The following TTC28 variants were observed in gnomAD, a reference collection of about 807,000 sequenced individuals.
TTC28 encodes the protein tetratricopeptide repeat domain 28, also known as tetratricopeptide repeat protein 28.
TTC28 carries 61 observed loss-of-function variants against 198.0 expected under a neutral mutation model. That is an observed-to-expected ratio of 0.31 (90% CI 0.25 to 0.38). The LOEUF (loss-of-function observed/expected upper bound fraction) is 0.38. Ranked by LOEUF, TTC28 falls within the 10% of genes least tolerant of loss-of-function variation. TTC28 has a pLI of 1.00. For missense variants in TTC28, 2,678 were observed against 3,164.0 expected (o/e 0.85, Z 3.69); for synonymous variants, 1,171 against 1,297.8 (o/e 0.90, Z 2.10).
At chr22:28,661,580 C>T (rs1042130551) in intron 1 of TTC28, among the ~76,000 whole-genome samples, 1 of 151,704 alleles carries the variant, frequency 6.6e-6, no homozygotes. Context: ...CCACCATACC[C>T]GGCTAATTTG....
chr22:28,458,837 T>C (rs988453903), intron 2 of TTC28, among the ~76,000 whole-genome samples: 1 of 150,444 alleles, frequency 6.6e-6, no homozygotes, highest in Non-Finnish European at 1.5e-5. Context: ...GCCAAGATCA[T>C]GTCACTGCAC....
At chr22:28,383,332 C>G (rs570477477) in intron 2 of TTC28, among the ~76,000 whole-genome samples, 2 of 152,126 alleles carry the variant, frequency 1.3e-5, no homozygotes, top group Non-Finnish European at 2.9e-5. Context: ...AGACACTTTC[C>G]TTTGTCCGCA....
intron 2 of TTC28, among the ~76,000 whole-genome samples, chr22:28,471,315 A>G (rs774064428): frequency 2.0e-5 from 3 of 152,194 alleles, no homozygotes; most frequent in Non-Finnish European, 4.4e-5. Flanking sequence ...ATGTCATTAA[A>G]AACTTTGATT....
At chr22:28,345,968 A>G (rs2145918699) in intron 2 of TTC28, among the ~76,000 whole-genome samples, 1 of 152,334 alleles carries the variant, frequency 6.6e-6, no homozygotes, top group South Asian at 2.1e-4. Flanking sequence ...GTAAATTTTT[A>G]TTCAGTCTTC....
intron 6 of TTC28, among the ~76,000 whole-genome samples, chr22:28,147,347 C>T (rs1182407563): frequency 6.6e-6 from 1 of 152,132 alleles, no homozygotes; most frequent in Admixed American, 6.5e-5. Flanking sequence ...GTATGAGCAG[C>T]CACGTTTCCA....
intron 12 of TTC28, among the ~76,000 whole-genome samples, chr22:28,043,137 G>A (rs961914443): frequency 6.6e-6 from 1 of 150,564 alleles, no homozygotes; most frequent in Non-Finnish European, 1.5e-5. Flanking sequence ...CCAGCTACTC[G>A]GGAGGCTGAG....
rs1276637648 is a variant in TTC28, at chr22:27,983,271, A to T, written c.6396T>A (p.Asp2132Glu). 1 of 1,551,866 alleles carries T rather than the reference A, an allele frequency of 6.4e-7. No individual in the cohort carries two copies. The highest frequency in any genetic ancestry group is 8.7e-7 in the Non-Finnish European group (1 of 1,147,042). The change falls in exon 23 of 23, where the codon GAT (aspartate) becomes GAA (glutamate). Residue 2132 changes from aspartate (D) to glutamate (E), a missense_variant. Physicochemically the swap from Asp to Glu is conservative, Grantham distance 45 (BLOSUM62 2). Transcript: ENST00000397906. ...TGCTAGACTGGTCTGATTCTCCTGT[A>T]TCTGAGCTTGCTAGTTTTCCCACCT... Reference protein sequence around the residue: ...FQKVGKLASSDTGESDQSSTE... With the variant: ...FQKVGKLASSETGESDQSSTE...
intron 2 of TTC28, among the ~76,000 whole-genome samples, chr22:28,313,711 T>A (rs1434488989): frequency 2.0e-5 from 3 of 152,146 alleles, no homozygotes; most frequent in Non-Finnish European, 2.9e-5. Flanking sequence ...GGAACGTATC[T>A]CAGCATAATA....
intron 6 of TTC28, among the ~76,000 whole-genome samples, chr22:28,127,069 T>A (rs180793018): frequency 6.6e-6 from 1 of 152,202 alleles, no homozygotes; most frequent in Non-Finnish European, 1.5e-5. Flanking sequence ...AAAACACTTA[T>A]TGTTTAGATT....
At chr22:28,564,811 G>T (rs895338104) in intron 2 of TTC28, among the ~76,000 whole-genome samples, 1 of 146,730 alleles carries the variant, frequency 6.8e-6, no homozygotes, top group Admixed American at 6.8e-5. Context: ...GAGAACCACT[G>T]GTCTCAATTT....
At chr22:28,116,119 G>C (rs1170347872) in intron 6 of TTC28, among the ~76,000 whole-genome samples, 1 of 152,060 alleles carries the variant, frequency 6.6e-6, no homozygotes, top group Non-Finnish European at 1.5e-5. Context: ...ATGCTAACTG[G>C]GAGCAGGGTC....
intron 2 of TTC28, among the ~76,000 whole-genome samples, chr22:28,576,720 T>C (rs2050156693): frequency 6.6e-6 from 1 of 151,996 alleles, no homozygotes; most frequent in African/African-American, 2.4e-5. Flanking sequence ...TGGTAGGCTA[T>C]ATGTGTCTAG....
At chr22:28,080,240 C>A (rs920384472) in intron 12 of TTC28, among the ~76,000 whole-genome samples, 3 of 152,132 alleles carry the variant, frequency 2.0e-5, no homozygotes, top group Non-Finnish European at 2.9e-5. Context: ...TACACTAATT[C>A]TATTTTTTAG....
rs1941979722 is a variant in TTC28, at chr22:28,096,522, A to G, written c.3548-114T>C. 14 of 1,077,034 alleles carry G rather than the reference A, an allele frequency of 1.3e-5. No individual in the cohort carries two copies. In the East Asian group the frequency reaches 3.1e-4, roughly 24 times the overall value. The allele number at this position is 1,077,034 out of a possible 1,614,324, so 66.7% of individuals were successfully genotyped here. A position where few individuals can be genotyped will look rare whatever the true frequency, so the allele number is the denominator to read the frequency against. On this transcript the variant is annotated intron_variant, in intron 10 of 22. Coordinates refer to ENST00000397906, the MANE Select transcript of TTC28 (RefSeq NM_001145418.2). ...GAAACCTCACTGCCTCTACTCTCCAATATGTGACAGAATCTCAGTCACACT... is the reference window on the plus strand; with the variant it reads ...GAAACCTCACTGCCTCTACTCTCCAGTATGTGACAGAATCTCAGTCACACT...
At chr22:28,495,773 G>A (rs2048446392) in intron 2 of TTC28, among the ~76,000 whole-genome samples, 1 of 152,132 alleles carries the variant, frequency 6.6e-6, no homozygotes, top group Admixed American at 6.5e-5. Context: ...TTGTTCAAGT[G>A]CCTCCTGTGT....
intron 2 of TTC28, among the ~76,000 whole-genome samples, chr22:28,527,005 G>A (rs1039141760): frequency 7.2e-5 from 11 of 152,008 alleles, no homozygotes; most frequent in African/African-American, 2.2e-4. Context: ...TGATCCACCC[G>A]CCTCAGCCTC....
At position 28,101,152 on chromosome 22, in the gene TTC28, A is replaced by G; in HGVS notation, c.3417+19T>C. 1 of 1,528,314 alleles carries G rather than the reference A, an allele frequency of 6.5e-7. No individual in the cohort carries two copies. Among genetic ancestry groups the G allele is most frequent in the Non-Finnish European group, 8.9e-7 (1 of 1,129,012 alleles). 94.7% of individuals were successfully genotyped at this position (1,528,314 alleles called of 1,614,324 possible). A position where few individuals can be genotyped will look rare whatever the true frequency, so the allele number is the denominator to read the frequency against. The stretch of plus-strand genomic sequence containing the variant: ...CTTCTGGAAACAAAAAATCCACTTC[A>G]GTCAGGGGTTCTGCTTACCTGGTGT... On this transcript the variant is annotated intron_variant, in intron 9 of 22. Coordinates refer to ENST00000397906, the MANE Select transcript of TTC28 (RefSeq NM_001145418.2).
At chr22:28,059,084 C>T (rs1238842720) in intron 12 of TTC28, among the ~76,000 whole-genome samples, 2 of 151,690 alleles carry the variant, frequency 1.3e-5, no homozygotes, top group South Asian at 2.1e-4. Context: ...ATTGTTTCTC[C>T]GTTTTCTCTT....
chr22:27,987,826 A>T (rs1937265462), intron 21 of TTC28, among the ~76,000 whole-genome samples: 1 of 152,190 alleles, frequency 6.6e-6, no homozygotes, highest in Admixed American at 6.5e-5. Flanking sequence ...CCGGATGGGA[A>T]CCCAGCCCTT....
Sources: allele counts gnomAD v4.1 joint callset (sites outside exome capture counted in the v4.1 genomes callset), GRCh38; gene constraint gnomAD v4.1.1; transcripts MANE v1.5; gene names NCBI Gene and HGNC (gene_info 2026-07-23, HGNC 2026-07-21).